C6: variants seen among roughly 807,000 people sequenced by gnomAD.
C6 encodes the protein complement C6.
Under a neutral mutation model 112.9 loss-of-function variants are expected in C6, and 101 were observed. The ratio of observed to expected loss-of-function variants is 0.89; its 90% CI spans 0.76 to 1.06. The LOEUF is 1.06. Ranked by LOEUF, C6 falls within the 50% of genes least tolerant of loss-of-function variation. C6 has a pLI of 0.00. For synonymous variants in C6, 431 were observed against 384.1 expected (o/e 1.12, Z -1.43); for missense variants, 1,202 against 1,104.6 (o/e 1.09, Z -1.25).
At chr5:41,240,433 C>T (rs1740629441) in intron 1 of C6, among the ~76,000 whole-genome samples, 1 of 152,196 alleles carries the variant, frequency 6.6e-6, no homozygotes. Flanking sequence ...GTCCTTGGGC[C>T]GCTGAGCAGC....
At chr5:41,185,927 A>G in intron 6 of C6, 143 bp downstream of exon 6, 2 of 1,030,996 alleles carry the variant, frequency 1.9e-6, no homozygotes, top group Non-Finnish European at 3.0e-6. Context: ...GTGTGCATGG[A>G]TAAAATACAA....
In C6 at chr5:41,203,197, G is replaced by C; in HGVS notation, c.34C>G (p.Leu12Val). 1 of 1,614,136 alleles carries C rather than the reference G, an allele frequency of 6.2e-7. No homozygotes were observed. The highest frequency in any genetic ancestry group is 8.5e-7 in the Non-Finnish European group (1 of 1,179,980). ...TGGCCCTTGTTGATCAGAGCATTCA[G>C]CAGGATGAAGTACAAGACAGAGCGT... is the stretch of plus-strand genomic sequence containing the variant. ...ARRSVLYFIL[L>V]NALINKGQAC... The change falls in exon 2 of 18, where the codon CTG (leucine) becomes GTG (valine). Residue 12 changes from leucine (L) to valine (V), a missense_variant. Leu to Val is a conservative substitution (Grantham distance 32). Transcript: ENST00000337836.
At chr5:41,255,372 A>AAG (rs59091486) in intron 1 of C6, among the ~76,000 whole-genome samples, 6 of 151,112 alleles carry the variant, frequency 4.0e-5, no homozygotes, top group African/African-American at 1.2e-4. Flanking sequence ...AAAAAAAAAA[A>AAG]GATAAGAGTC....
chr5:41,212,563 T>C (rs1561179445), intron 1 of C6, among the ~76,000 whole-genome samples: 1 of 152,192 alleles, frequency 6.6e-6, no homozygotes, highest in Non-Finnish European at 1.5e-5. Context: ...TCCACATCTC[T>C]AGGCATTCTG....
At chr5:41,147,055 G>A (rs553561859) in intron 17 of C6, among the ~76,000 whole-genome samples, 5 of 152,258 alleles carry the variant, frequency 3.3e-5, no homozygotes, top group African/African-American at 1.2e-4. Flanking sequence ...TCAGGGAACA[G>A]TTCTTAACTT....
At chr5:41,253,533 A>C (rs1432870802) in intron 1 of C6, among the ~76,000 whole-genome samples, 1 of 152,118 alleles carries the variant, frequency 6.6e-6, no homozygotes, top group Non-Finnish European at 1.5e-5. Flanking sequence ...AGGCCTAAAA[A>C]CTTTTATCAA....
At position 41,236,433 on chromosome 5, in the gene C6, C is replaced by T. The variant is rs576326205; in HGVS notation, c.-21+24761G>A. Among the ~76,000 whole-genome samples the T allele has an allele frequency of 1.6e-3, 248 of 150,942 alleles. 1 individual carries two copies. The highest frequency in any genetic ancestry group is 5.2e-3 in the African/African-American group (213 of 40,974). On this transcript the variant is annotated intron_variant, in intron 1 of 17. Transcript: ENST00000263413. ...CAGGATTAAGAATCTCACTCAAAGCCGCTCAACTACATGGAAACTGAACAA... is the reference window on the plus strand; with the variant it reads ...CAGGATTAAGAATCTCACTCAAAGCTGCTCAACTACATGGAAACTGAACAA...
intron 1 of C6, among the ~76,000 whole-genome samples, chr5:41,258,907 C>G (rs993286422): frequency 9.2e-5 from 14 of 152,168 alleles, no homozygotes; most frequent in African/African-American, 3.4e-4. Flanking sequence ...TGGGGACCCA[C>G]CCCATGATCC....
chr5:41,226,981 GA>G (rs1468137055), intron 1 of C6, among the ~76,000 whole-genome samples: 1 of 152,130 alleles, frequency 6.6e-6, no homozygotes, highest in Non-Finnish European at 1.5e-5. Flanking sequence ...TCAATAAAGA[GA>G]ATGCTGGATC....
chr5:41,159,040 T>C, intron 12 of C6, 42 bp downstream of exon 12: 3 of 1,605,484 alleles, frequency 1.9e-6, no homozygotes, highest in Non-Finnish European at 2.6e-6. Context: ...TTATTGAGAG[T>C]TAGGGCAAAA....
intron 1 of C6, among the ~76,000 whole-genome samples, chr5:41,223,666 T>C (rs1318457269): frequency 2.0e-5 from 3 of 152,180 alleles, no homozygotes; most frequent in Non-Finnish European, 2.9e-5. Flanking sequence ...ATAGCAAAAA[T>C]ACATGTCATT....
chr5:41,181,559 C>T lies in C6; in HGVS notation c.727G>A (p.Val243Ile). The change falls in exon 7 of 18, where the codon GTA (valine) becomes ATA (isoleucine). Residue 243 changes from valine (V) to isoleucine (I), a missense_variant and splice_region_variant. Transcript: ENST00000337836. ...TTCAAGTCATCTTCTGCAGTTTGTA[C>T]CTGGAGAAAAATCCATGTAAAATAA... The part of the protein sequence containing the change: ...PANLENVGFE[V>I]QTAEDDLKTD... The T allele has an allele frequency of 1.9e-6, 3 of 1,610,662 alleles. No individual in the cohort carries two copies. The highest frequency in any genetic ancestry group is 2.5e-6 in the Non-Finnish European group (3 of 1,177,532).
At chr5:41,168,221 A>G (rs1748137526) in intron 9 of C6, among the ~76,000 whole-genome samples, 1 of 152,192 alleles carries the variant, frequency 6.6e-6, no homozygotes, top group Non-Finnish European at 1.5e-5. Flanking sequence ...AAATGTACAC[A>G]GGAGATGAAA....
rs1227107661 is a variant in C6 at position 41,226,816 on chromosome 5, A to AT, written c.-20-23567dup. On this transcript the variant is annotated intron_variant, in intron 1 of 17. Transcript: ENST00000263413. ...CATGTTTTAAGGCTAAATAGTATTC[A>AT]TTTTTGTATATACACCACATTTTCT... is the stretch of plus-strand genomic sequence containing the variant. 2.0e-5 allele frequency among the ~76,000 whole-genome samples: 3 copies of AT among 152,000 alleles called. No individual in the cohort carries two copies. The East Asian group carries it at 5.9e-4, about 30-fold the overall frequency.
chr5:41,158,804 T>C lies in C6; in HGVS notation c.1857-19A>G. ...TTGTCCACTAAAAGGGAAACATAAATATGTGTGTATATGTATGTATGTACA... is the reference window on the plus strand; with the variant it reads ...TTGTCCACTAAAAGGGAAACATAAACATGTGTGTATATGTATGTATGTACA... On this transcript the variant is annotated intron_variant, in intron 12 of 17. Coordinates refer to ENST00000337836, the MANE Select transcript of C6 (RefSeq NM_000065.5). The C allele has an allele frequency of 7.6e-7, 1 of 1,316,908 alleles. No homozygotes were observed. Among genetic ancestry groups the C allele is most frequent in the Admixed American group, 1.7e-5 (1 of 59,454 alleles). The allele number at this position is 1,316,908 out of a possible 1,614,324, so 81.6% of individuals were successfully genotyped here. A position where few individuals can be genotyped will look rare whatever the true frequency, so the allele number is the denominator to read the frequency against.
intron 14 of C6, among the ~76,000 whole-genome samples, 170 bp downstream of exon 14, chr5:41,154,802 C>T (rs975722102): frequency 2.0e-5 from 3 of 152,168 alleles, no homozygotes; most frequent in African/African-American, 7.2e-5. Flanking sequence ...TCTGGAAATC[C>T]AGTTTTAGCA....
intron 9 of C6, among the ~76,000 whole-genome samples, chr5:41,164,671 G>C (rs1747828459): frequency 6.6e-6 from 1 of 152,134 alleles, no homozygotes; most frequent in African/African-American, 2.4e-5. Context: ...AGCCAGCTTG[G>C]AGCCTATTGC....
chr5:41,145,885 G>A (rs745877455), intron 17 of C6, among the ~76,000 whole-genome samples: 4 of 152,152 alleles, frequency 2.6e-5, no homozygotes, highest in Non-Finnish European at 5.9e-5. Context: ...TAGCTTAAAT[G>A]TTCTTTGCTT....
intron 9 of C6, among the ~76,000 whole-genome samples, chr5:41,164,493 C>T (rs1048446300): frequency 6.6e-6 from 1 of 152,106 alleles, no homozygotes; most frequent in African/African-American, 2.4e-5. Flanking sequence ...GGAAGAACAG[C>T]AGAAATGAGA....
Sources: allele counts gnomAD v4.1 joint callset (sites outside exome capture counted in the v4.1 genomes callset), GRCh38; gene constraint gnomAD v4.1.1; transcripts MANE v1.5; gene names NCBI Gene and HGNC (gene_info 2026-07-23, HGNC 2026-07-21).